The following RASGEF1C variants were observed in gnomAD, a reference collection of about 807,000 sequenced individuals.
RASGEF1C encodes RasGEF domain family member 1C.
A neutral mutation model predicts 58.1 loss-of-function variants in RASGEF1C; 27 were observed. That is an observed-to-expected ratio of 0.46 (90% CI 0.34 to 0.64). RASGEF1C has a LOEUF of 0.64. Ranked by LOEUF, RASGEF1C falls within the 30% of genes least tolerant of loss-of-function variation. RASGEF1C has a pLI of 0.01. For missense variants in RASGEF1C, 502 were observed against 605.1 expected (o/e 0.83, Z 1.79); for synonymous variants, 243 against 246.3 (o/e 0.99, Z 0.13).
chr5:180,121,459 G>A (rs12652403), intron 6 of RASGEF1C, among the ~76,000 whole-genome samples: 81,707 of 151,586 alleles, frequency 0.54, 22,947 homozygotes, highest in East Asian at 0.73. Context: ...GACTACAGGC[G>A]CCCGCCACCA....
chr5:180,121,672 CACACACA>C (rs759717479), intron 6 of RASGEF1C, among the ~76,000 whole-genome samples: 2,623 of 63,588 alleles, frequency 0.041, 57 homozygotes, highest in African/African-American at 0.095. Flanking sequence ...CACACACACA[CACACACA>C]CACCCTCATT....
intron 1 of RASGEF1C, among the ~76,000 whole-genome samples, chr5:180,190,504 A>T (rs1332592027): frequency 6.4e-5 from 6 of 94,160 alleles, no homozygotes; most frequent in Non-Finnish European, 1.2e-4. Flanking sequence ...AAAAAAAAAA[A>T]AAAATAATAA....
At chr5:180,186,777 C>T (rs139822655) in intron 1 of RASGEF1C, among the ~76,000 whole-genome samples, 1 of 152,248 alleles carries the variant, frequency 6.6e-6, no homozygotes, top group Non-Finnish European at 1.5e-5. Flanking sequence ...ACCAGCCTGG[C>T]CAACATAGTG....
At chr5:180,159,221 C>A (rs930263417) in intron 1 of RASGEF1C, among the ~76,000 whole-genome samples, 1 of 151,542 alleles carries the variant, frequency 6.6e-6, no homozygotes, top group Non-Finnish European at 1.5e-5. Context: ...CTCACTGCAA[C>A]CTTTGCCTCC....
chr5:180,138,130 C>A, intron 1 of RASGEF1C, 72 bp from the exon 2 acceptor site: 1 of 968,034 alleles, frequency 1.0e-6, no homozygotes, highest in South Asian at 1.9e-5. Context: ...GTGGGAGCTG[C>A]TGGTCCCGGG....
chr5:180,114,352 C>CTG (rs1766027762), intron 11 of RASGEF1C, 94 bp downstream of exon 11: 1 of 1,211,428 alleles, frequency 8.3e-7, no homozygotes, highest in Non-Finnish European at 1.2e-6. Flanking sequence ...CCCCAGGGTC[C>CTG]CCCATGAGGC....
rs957250740 is a variant in RASGEF1C at position 180,143,862 on chromosome 5, A to G, written c.-6-5804T>C. On this transcript the variant is annotated intron_variant, in intron 1 of 13. Coordinates refer to ENST00000361132, the MANE Select transcript of RASGEF1C (RefSeq NM_175062.4). This position sits in a 1 kb window ranked among gnomAD's most constrained non-coding sequence, Gnocchi z 4.3. Reference sequence around the variant, plus strand: ...TGGAAATCCATCGAACTTGCAGAAGAAAAGCAGGTGGCTGGTCAGAGCGCG... The same window carrying G: ...TGGAAATCCATCGAACTTGCAGAAGGAAAGCAGGTGGCTGGTCAGAGCGCG... Among the ~76,000 whole-genome samples, 4 of 152,182 alleles carry G rather than the reference A, an allele frequency of 2.6e-5. No individual in the cohort carries two copies. The highest frequency in any genetic ancestry group is 9.6e-5 in the African/African-American group (4 of 41,454).
Position 180,127,478 on chromosome 5 carries a change from G to A in RASGEF1C, c.714+131C>T, listed in dbSNP as rs1203435531. The A allele has an allele frequency of 5.2e-6, 4 of 764,666 alleles. No homozygotes were observed. The South Asian group carries it at 7.1e-5, about 14-fold the overall frequency. 47.4% of individuals were successfully genotyped at this position (764,666 alleles called of 1,614,324 possible). A position where few individuals can be genotyped will look rare whatever the true frequency, so the allele number is the denominator to read the frequency against. ...TGGAGGGGCGTGGCGGAGTGGGCAG[G>A]GCCCCCCGAGCCCACCTGTCCCACT... is the stretch of plus-strand genomic sequence containing the variant. On this transcript the variant is annotated intron_variant, in intron 6 of 13. Transcript: ENST00000361132.
intron 1 of RASGEF1C, among the ~76,000 whole-genome samples, chr5:180,145,239 G>C (rs11746507): frequency 6.6e-6 from 1 of 151,986 alleles, no homozygotes; most frequent in African/African-American, 2.4e-5. Context: ...TCCTGCCTCA[G>C]CCTCTCAAGA....
intron 1 of RASGEF1C, among the ~76,000 whole-genome samples, chr5:180,173,783 G>C (rs150593438): frequency 0.021 from 3,257 of 152,038 alleles, 126 homozygotes; most frequent in African/African-American, 0.07. Flanking sequence ...CGTGGTGGTG[G>C]GCGCCTGTAA....
intron 1 of RASGEF1C, among the ~76,000 whole-genome samples, chr5:180,192,667 T>G (rs1160953606): frequency 6.6e-6 from 1 of 152,242 alleles, no homozygotes; most frequent in African/African-American, 2.4e-5. Context: ...AATTAGTAAC[T>G]TATAGTGACT....
intron 1 of RASGEF1C, among the ~76,000 whole-genome samples, chr5:180,144,977 TTTCC>T (rs1766641539): frequency 6.6e-6 from 1 of 152,198 alleles, no homozygotes; most frequent in African/African-American, 2.4e-5. Flanking sequence ...TGCGTCAGAA[TTTCC>T]TTCCTTTTTA....
chr5:180,135,805 G>A (rs1561739461), intron 4 of RASGEF1C, among the ~76,000 whole-genome samples: 2 of 152,352 alleles, frequency 1.3e-5, no homozygotes, highest in South Asian at 2.1e-4. Context: ...TGCAGGGGGA[G>A]GTCTTGTCCC....
In RASGEF1C at chr5:180,118,676, C is replaced by G. The variant is rs926124297; in HGVS notation, c.1016G>C (p.Cys339Ser). The change falls in exon 10 of 14, where the codon TGC (cysteine) becomes TCC (serine). Residue 339 changes from cysteine to serine, a missense_variant. Transcript: ENST00000361132. The part of the protein sequence containing the change: ...EHQMDPTGNF[C>S]NYRTALRGAA... ...CCCGCGCAGGGCTGTCCTGTAGTTG[C>G]AGAAATTCCCCGTTGGGTCCATCTG... is the stretch of plus-strand genomic sequence containing the variant. The G allele has an allele frequency of 6.2e-7, 1 of 1,614,072 alleles. No individual in the cohort carries two copies. The highest frequency in any genetic ancestry group is 1.3e-5 in the African/African-American group (1 of 74,950).
chr5:180,173,922 C>CAA (rs560581168), intron 1 of RASGEF1C, among the ~76,000 whole-genome samples: 11 of 125,990 alleles, frequency 8.7e-5, no homozygotes, highest in South Asian at 2.6e-4. Flanking sequence ...AAACAACCAC[C>CAA]AAAAAAAAAA....
At position 180,190,342 on chromosome 5, in the gene RASGEF1C, T is replaced by C. The variant is rs559732573; in HGVS notation, c.-7+18686A>G. Among the ~76,000 whole-genome samples, 529 of 151,450 alleles carry C rather than the reference T, an allele frequency of 3.5e-3. 4 individuals carry two copies. The highest frequency in any genetic ancestry group is 0.01 in the Middle Eastern group (3 of 294). The stretch of plus-strand genomic sequence containing the variant: ...CTCTACTAAAAACAAAACAAAAAAT[T>C]AGCCGGGCGTGGTGGCGGGCGCCTG... On this transcript the variant is annotated intron_variant, in intron 1 of 13. Coordinates refer to ENST00000361132, the MANE Select transcript of RASGEF1C (RefSeq NM_175062.4).
At chr5:180,186,905 C>G (rs181842758) in intron 1 of RASGEF1C, among the ~76,000 whole-genome samples, 1 of 152,174 alleles carries the variant, frequency 6.6e-6, no homozygotes, top group African/African-American at 2.4e-5. Context: ...CAAGATCGTG[C>G]CACTGCACTC....
chr5:180,199,462 G>A lies in RASGEF1C; in HGVS notation c.-7+9566C>T, dbSNP rs773411545. ...AAACAACTTCCTGACCAAATGACCCGGGGAGATATTTCCTCTGCAGGGGCA... is the reference window on the plus strand; with the variant it reads ...AAACAACTTCCTGACCAAATGACCCAGGGAGATATTTCCTCTGCAGGGGCA... On this transcript the variant is annotated intron_variant, in intron 1 of 13. Transcript: ENST00000361132. Among the ~76,000 whole-genome samples the A allele has an allele frequency of 5.3e-5, 8 of 152,274 alleles. No individual in the cohort carries two copies. The South Asian group carries it at 6.2e-4, about 12-fold the overall frequency.
intron 4 of RASGEF1C, among the ~76,000 whole-genome samples, chr5:180,131,723 G>A (rs1464717788): frequency 2.6e-5 from 4 of 152,152 alleles, no homozygotes; most frequent in South Asian, 2.1e-4. Flanking sequence ...GTGTCAGGGC[G>A]GACTGCAGGC....
Sources: gnomAD v4.1 joint callset for allele counts (sites outside exome capture counted in the v4.1 genomes callset) on GRCh38, gnomAD v4.1.1 for gene constraint, Gnocchi (gnomAD v3.1) non-coding constraint, MANE v1.5 for transcripts, NCBI Gene and HGNC (gene_info 2026-07-23, HGNC 2026-07-21) for gene names.